The following LAMA3 variants were observed in gnomAD, a reference collection of about 807,000 sequenced individuals.
The protein encoded by LAMA3 is laminin subunit alpha-3.
LAMA3 carries 281 observed loss-of-function variants against 402.0 expected under a neutral mutation model. The ratio of observed to expected loss-of-function variants is 0.70; its 90% CI spans 0.63 to 0.77. The LOEUF (loss-of-function observed/expected upper bound fraction) is 0.77, where lower values mean the gene tolerates loss of function less well. LAMA3 is among the 30% of genes least tolerant of loss of function. The probability of loss-of-function intolerance (pLI) is 0.00; values close to 1 mark genes in which losing one functional copy is unlikely to be tolerated. For synonymous variants in LAMA3, 1,431 were observed against 1,558.4 expected (o/e 0.92, Z 1.93); for missense variants, 3,840 against 4,215.5 (o/e 0.91, Z 2.47).
intron 36 of LAMA3, among the ~76,000 whole-genome samples, chr18:23,866,631 C>A (rs1598954440): frequency 6.8e-6 from 1 of 146,976 alleles, no homozygotes; most frequent in Non-Finnish European, 1.5e-5. Context: ...TCAGGCCAGG[C>A]GTATTTTTTT....
At chr18:23,730,368 CTTTT>C in intron 2 of LAMA3, among the ~76,000 whole-genome samples, 1 of 118,646 alleles carries the variant, frequency 8.4e-6, no homozygotes, top group African/African-American at 2.9e-5. Context: ...CTTTTTCTTT[CTTTT>C]TTTTTTTTTT....
chr18:23,825,480 C>A (rs887932390), intron 21 of LAMA3, among the ~76,000 whole-genome samples: 1 of 152,106 alleles, frequency 6.6e-6, no homozygotes, highest in East Asian at 1.9e-4. Flanking sequence ...TCTTCCAGTC[C>A]TGCCAGTTGC....
chr18:23,738,906 G>C (rs753883918), intron 2 of LAMA3, among the ~76,000 whole-genome samples: 13 of 152,208 alleles, frequency 8.5e-5, no homozygotes, highest in Admixed American at 5.9e-4. Context: ...AGCTGAAAAA[G>C]CTGGTATTTT....
At chr18:23,768,615 C>T (rs1452308991) in intron 8 of LAMA3, among the ~76,000 whole-genome samples, 1 of 152,176 alleles carries the variant, frequency 6.6e-6, no homozygotes, top group Non-Finnish European at 1.5e-5. Flanking sequence ...AACTACCATT[C>T]AACCCAGTAA....
At chr18:23,838,100 A>C (rs889130452) in intron 25 of LAMA3, among the ~76,000 whole-genome samples, 1 of 152,168 alleles carries the variant, frequency 6.6e-6, no homozygotes, top group Non-Finnish European at 1.5e-5. Context: ...CATAAGCTCT[A>C]TGAAGGCAGG....
chr18:23,833,694 TA>T, intron 23 of LAMA3, 133 bp from the exon 24 acceptor site: 1 of 929,598 alleles, frequency 1.1e-6, no homozygotes, highest in Non-Finnish European at 1.7e-6. Context: ...TGTAGGACCA[TA>T]TTCCTTACTG....
intron 2 of LAMA3, among the ~76,000 whole-genome samples, chr18:23,724,486 C>G: frequency 6.6e-6 from 1 of 151,926 alleles, no homozygotes; most frequent in Non-Finnish European, 1.5e-5. Flanking sequence ...ATCTCACCCC[C>G]TGCCACCCCG....
chr18:23,785,655 T>C (rs2062529259), intron 12 of LAMA3, among the ~76,000 whole-genome samples: 1 of 152,164 alleles, frequency 6.6e-6, no homozygotes, highest in Admixed American at 6.5e-5. Context: ...TTTCCAGCCA[T>C]CTCCCTGTTT....
chr18:23,893,652 C>A (rs763771117), intron 42 of LAMA3, among the ~76,000 whole-genome samples: 2 of 152,116 alleles, frequency 1.3e-5, no homozygotes, highest in Non-Finnish European at 1.5e-5. Context: ...TGTGGGCCCA[C>A]TGACATTGTA....
Position 23,816,388 on chromosome 18 carries a change from G to T in LAMA3, c.2048G>T (p.Gly683Val), listed in dbSNP as rs1224671098. The T allele has an allele frequency of 3.1e-6, 5 of 1,613,568 alleles. No homozygotes were observed. In the Admixed American group the frequency reaches 5.0e-5, roughly 16 times the overall value. The change falls in exon 18 of 75, where the codon GGG (glycine) becomes GTG (valine). Residue 683 changes from glycine (G) to valine (V), a missense_variant and splice_region_variant. Gly to Val is a moderately radical substitution (Grantham distance 109). Around this residue, in one of 3 missense-constraint regions of LAMA3, gnomAD observed 2,109 missense variants for 2,376.0 expected, o/e 0.89. Coordinates refer to ENST00000313654, the MANE Select transcript of LAMA3 (RefSeq NM_198129.4). ...LEKSNYFGCQ[G>V]CQCDIGGALS... is the part of the protein sequence containing the mutation. The stretch of plus-strand genomic sequence containing the variant: ...ACTGCTGCTGTTTCCTGGCTTTCAG[G>T]GTGTCAGTGTGACATTGGTGGGGCA...
intron 2 of LAMA3, among the ~76,000 whole-genome samples, chr18:23,730,399 C>T (rs1193475430): frequency 7.2e-6 from 1 of 138,028 alleles, no homozygotes; most frequent in Non-Finnish European, 1.5e-5. Context: ...GACGGAGTCT[C>T]GCTCTGTTAT....
At chr18:23,856,616 G>T (rs1449477380) in intron 32 of LAMA3, among the ~76,000 whole-genome samples, 2 of 152,048 alleles carry the variant, frequency 1.3e-5, no homozygotes, top group Admixed American at 6.5e-5. Context: ...TGTCTGCCCG[G>T]ATCTTCAGTT....
chr18:23,833,825 C>G lies in LAMA3; in HGVS notation c.2824-3C>G, dbSNP rs745478885. On this transcript the variant is annotated splice_region_variant and splice_polypyrimidine_tract_variant and intron_variant, in intron 23 of 74. Coordinates refer to ENST00000313654, the MANE Select transcript of LAMA3 (RefSeq NM_198129.4). Reference sequence around the variant, plus strand: ...CAGTCTGTCTGCTTGGCCTCTGTGACAGGTGGAATTGCATCTGCGGCTGCG... The same window carrying G: ...CAGTCTGTCTGCTTGGCCTCTGTGAGAGGTGGAATTGCATCTGCGGCTGCG... 1 of 1,612,720 alleles carries G rather than the reference C, an allele frequency of 6.2e-7. No individual in the cohort carries two copies. Among genetic ancestry groups the G allele is most frequent in the South Asian group, 1.1e-5 (1 of 91,014 alleles).
intron 59 of LAMA3, among the ~76,000 whole-genome samples, 167 bp from the exon 60 acceptor site, chr18:23,916,384 C>A (rs945751232): frequency 6.6e-6 from 1 of 152,144 alleles, no homozygotes; most frequent in African/African-American, 2.4e-5. Flanking sequence ...AAAGAGCTGG[C>A]TGCCTTAACA....
intron 41 of LAMA3, among the ~76,000 whole-genome samples, 197 bp from the exon 42 acceptor site, chr18:23,889,810 TCTTA>T (rs2080589904): frequency 6.6e-6 from 1 of 152,084 alleles, no homozygotes; most frequent in South Asian, 2.1e-4. Flanking sequence ...ATTACATGGA[TCTTA>T]CTTCAGATTT....
chr18:23,844,643 G>A (rs993272025), intron 29 of LAMA3, among the ~76,000 whole-genome samples: 3 of 152,152 alleles, frequency 2.0e-5, no homozygotes, highest in Non-Finnish European at 4.4e-5. Context: ...TGATTCATTT[G>A]GTCTTGGTCT....
intron 54 of LAMA3, 51 bp from the exon 55 acceptor site, chr18:23,909,102 G>C (rs377604900): frequency 6.4e-7 from 1 of 1,552,298 alleles, no homozygotes; most frequent in South Asian, 1.1e-5. Flanking sequence ...TTTGTAGTTA[G>C]CCTTTTCTTA....
intron 49 of LAMA3, 70 bp from the exon 50 acceptor site, chr18:23,903,863 G>C (rs2081153274): frequency 8.1e-7 from 1 of 1,241,804 alleles, no homozygotes; most frequent in Non-Finnish European, 1.2e-6. Flanking sequence ...AGTTATGATA[G>C]AGTTTGAGAA....
chr18:23,904,510 A>T, intron 50 of LAMA3, 43 bp from the exon 51 acceptor site: 1 of 1,562,754 alleles, frequency 6.4e-7, no homozygotes, highest in Non-Finnish European at 8.7e-7. Flanking sequence ...AGCTGCTGGC[A>T]GAGGAAGGCT....
Sources: allele counts gnomAD v4.1 joint callset (sites outside exome capture counted in the v4.1 genomes callset), GRCh38; gene constraint gnomAD v4.1.1; regional missense constraint gnomAD v4.1.1; transcripts MANE v1.5; gene names NCBI Gene and HGNC (gene_info 2026-07-23, HGNC 2026-07-21).